FLNB: variants seen among roughly 807,000 people sequenced by gnomAD.
FLNB encodes filamin-B.
FLNB carries 111 observed loss-of-function variants against 250.6 expected under a neutral mutation model. That is an observed-to-expected ratio of 0.44 (90% confidence interval 0.38 to 0.52). The LOEUF (loss-of-function observed/expected upper bound fraction) is 0.52, where lower values mean the gene tolerates loss of function less well. Ranked by LOEUF, FLNB falls within the 20% of genes least tolerant of loss-of-function variation. The pLI is 0.00. For synonymous variants in FLNB, 1,302 were observed against 1,372.1 expected, an observed-to-expected ratio of 0.95 and a Z score of 1.13; for missense variants, 2,869 against 3,447.8, an observed-to-expected ratio of 0.83 and a Z score of 4.20.
At chr3:58,130,481 C>G (rs2097305345) in intron 24 of FLNB, among the ~76,000 whole-genome samples, 1 of 152,176 alleles carries the variant, frequency 6.6e-6, no homozygotes, top group Non-Finnish European at 1.5e-5. Context: ...CCTCATCCTT[C>G]TCCTGCAGTT....
chr3:58,036,810 A>G (rs928332947), intron 1 of FLNB, among the ~76,000 whole-genome samples: 12 of 152,214 alleles, frequency 7.9e-5, no homozygotes, highest in African/African-American at 2.7e-4. Context: ...AGTTTGGCCT[A>G]TGCCCAGGAA....
intron 18 of FLNB, among the ~76,000 whole-genome samples, chr3:58,117,305 T>C (rs1037556219): frequency 6.6e-6 from 1 of 152,202 alleles, no homozygotes; most frequent in Non-Finnish European, 1.5e-5. Flanking sequence ...TCTTAGGTTA[T>C]TTAAGGTACA....
chr3:58,163,417 T>A (rs552603228), intron 43 of FLNB, 87 bp downstream of exon 43: 1 of 1,367,388 alleles, frequency 7.3e-7, no homozygotes, highest in African/African-American at 1.4e-5. Context: ...CCATGAAAGC[T>A]TTTTACACGT....
intron 4 of FLNB, among the ~76,000 whole-genome samples, chr3:58,086,899 G>A (rs1245749459): frequency 6.6e-6 from 1 of 152,204 alleles, no homozygotes; most frequent in Non-Finnish European, 1.5e-5. Context: ...TGGATCACGA[G>A]GTCAGGAGAT....
In FLNB at chr3:58,008,663, G is replaced by A. The variant is rs752677879; in HGVS notation, c.99G>A (p.Val33=). The A allele has an allele frequency of 6.2e-7, 1 of 1,614,162 alleles. No homozygotes were observed. The highest frequency in any genetic ancestry group is 8.5e-7 in the Non-Finnish European group (1 of 1,180,020). ...TRWCNEHLKC[V]NKRIGNLQTD... is the part of the protein sequence containing the mutation. ...GGTGCAACGAGCACCTCAAGTGCGT[G>A]AACAAACGCATCGGCAACCTGCAGA... Residue 33 remains valine, a synonymous_variant, in exon 1 of 46, where the codon GTG becomes GTA. Transcript: ENST00000295956.
At chr3:58,108,388 A>G (rs1429152343) in intron 12 of FLNB, 70 bp from the exon 13 acceptor site, 23 of 968,592 alleles carry the variant, frequency 2.4e-5, no homozygotes, top group Non-Finnish European at 3.3e-5. Context: ...CCCCCTGGTT[A>G]CCTGTCTTTG....
At chr3:58,068,558 C>T (rs1462691914) in intron 1 of FLNB, among the ~76,000 whole-genome samples, 3 of 152,158 alleles carry the variant, frequency 2.0e-5, no homozygotes, top group African/African-American at 4.8e-5. Context: ...GTCAGCTGTC[C>T]CCGCTTTGGT....
At chr3:58,096,329 A>G in intron 6 of FLNB, 111 bp downstream of exon 6, 1 of 802,790 alleles carries the variant, frequency 1.2e-6, no homozygotes, top group Non-Finnish European at 2.1e-6. Flanking sequence ...TTCCTTTCTG[A>G]TTATAGAAGG....
In FLNB at chr3:58,121,518, T is replaced by A; in HGVS notation, c.3126+15T>A. On this transcript the variant is annotated intron_variant, in intron 20 of 45. Transcript: ENST00000295956. ...ATCCCAGCAAGGTCAGCCTTTGCTT[T>A]TGTCCCAGAACTTGTCTCATTGCTG... 6.2e-7 allele frequency: 1 copy of A among 1,613,592 alleles called. No homozygotes were observed. Among genetic ancestry groups the A allele is most frequent in the South Asian group, 1.1e-5 (1 of 91,076 alleles).
rs552863443 is a variant in FLNB, at chr3:58,077,034, T to C, written c.293-12T>C. 1.2e-6 allele frequency: 2 copies of C among 1,614,126 alleles called. No homozygotes were observed. The highest frequency in any genetic ancestry group is 2.2e-5 in the South Asian group (2 of 91,058). On this transcript the variant is annotated splice_polypyrimidine_tract_variant and intron_variant, in intron 1 of 45. Transcript: ENST00000295956. Reference sequence around the variant, plus strand: ...CCCAAAGGAATGACCAAGCCTGTGCTTCTCTCCCCAGATAGCAAAGCCATT... The same window carrying C: ...CCCAAAGGAATGACCAAGCCTGTGCCTCTCTCCCCAGATAGCAAAGCCATT...
intron 24 of FLNB, among the ~76,000 whole-genome samples, chr3:58,127,225 G>T (rs1234798752): frequency 6.6e-6 from 1 of 151,932 alleles, no homozygotes; most frequent in African/African-American, 2.4e-5. Flanking sequence ...TGGGGTGGGG[G>T]CTGTGATGGG....
At chr3:58,154,711 C>T (rs2097350709) in intron 39 of FLNB, 80 bp from the exon 40 acceptor site, 1 of 1,479,376 alleles carries the variant, frequency 6.8e-7, no homozygotes, top group Non-Finnish European at 9.4e-7. Context: ...AAACCTAGCA[C>T]TGCAGGTTTG....
At chr3:58,162,094 G>A (rs2097362748) in intron 42 of FLNB, among the ~76,000 whole-genome samples, 1 of 152,200 alleles carries the variant, frequency 6.6e-6, no homozygotes, top group South Asian at 2.1e-4. Flanking sequence ...TGGCTTTAAG[G>A]GAGGCGGATG....
chr3:58,020,431 C>G (rs2097112104), intron 1 of FLNB, among the ~76,000 whole-genome samples: 1 of 152,146 alleles, frequency 6.6e-6, no homozygotes, highest in South Asian at 2.1e-4. Flanking sequence ...AACTTGTGAT[C>G]CCCACGGGCA....
At chr3:58,138,143 T>G (rs2107232665) in intron 28 of FLNB, 139 bp from the exon 29 acceptor site, 2 of 1,093,034 alleles carry the variant, frequency 1.8e-6, no homozygotes, top group East Asian at 2.4e-5. Flanking sequence ...TCAGGGGATC[T>G]TTGGGATATC....
At chr3:58,098,999 A>G (rs1451798937) in intron 8 of FLNB, 91 bp downstream of exon 8, 1 of 1,096,070 alleles carries the variant, frequency 9.1e-7, no homozygotes, top group South Asian at 1.2e-5. Flanking sequence ...TCAGGGCCCA[A>G]CATTGACCTT....
chr3:58,122,217 G>C (rs1427890190), intron 20 of FLNB, among the ~76,000 whole-genome samples: 3 of 150,794 alleles, frequency 2.0e-5, no homozygotes. Flanking sequence ...TCTTGGCTGG[G>C]CGCAGCGGCT....
intron 1 of FLNB, among the ~76,000 whole-genome samples, chr3:58,073,729 G>T (rs1211027381): frequency 4.6e-5 from 7 of 152,110 alleles, no homozygotes; most frequent in Non-Finnish European, 8.8e-5. Context: ...CATCTAGGGT[G>T]TGTTTTCATC....
chr3:58,144,257 T>C (rs1235964388), intron 32 of FLNB, among the ~76,000 whole-genome samples: 3 of 152,156 alleles, frequency 2.0e-5, no homozygotes, highest in Non-Finnish European at 4.4e-5. Context: ...TTCAGGGTTT[T>C]ATTTTTTATT....
Sources: allele counts gnomAD v4.1 joint callset (sites outside exome capture counted in the v4.1 genomes callset), GRCh38; gene constraint gnomAD v4.1.1; transcripts MANE v1.5; gene names NCBI Gene and HGNC (gene_info 2026-07-23, HGNC 2026-07-21).